The following DCHS2 variants were observed in gnomAD, a reference collection of about 807,000 sequenced individuals.
The protein encoded by DCHS2 is dachsous cadherin-related 2.
DCHS2 carries 142 observed loss-of-function variants against 182.4 expected under a neutral mutation model. The ratio of observed to expected loss-of-function variants is 0.78; its 90% confidence interval spans 0.68 to 0.89. DCHS2 has a LOEUF of 0.89. DCHS2 is among the 40% of genes least tolerant of loss of function. The pLI is 0.00. For synonymous variants in DCHS2, 1,740 were observed against 1,663.3 expected, an observed-to-expected ratio of 1.05 and a Z score of -1.12; for missense variants, 4,319 against 4,198.6, an observed-to-expected ratio of 1.03 and a Z score of -0.79.
intron 3 of DCHS2, among the ~76,000 whole-genome samples, chr4:154,359,828 C>A (rs571143124): frequency 1.1e-4 from 16 of 152,138 alleles, no homozygotes; most frequent in African/African-American, 3.4e-4. Flanking sequence ...CTGAGTTCTA[C>A]TTACTCAATT....
At chr4:154,305,044 T>A in intron 11 of DCHS2, 53 bp downstream of exon 11, 1 of 1,514,630 alleles carries the variant, frequency 6.6e-7, no homozygotes, top group Non-Finnish European at 8.8e-7. Context: ...ACAGGTTTTT[T>A]TTAAATTTAA....
rs201704433 is a variant in DCHS2, at chr4:154,391,036, TTTC to T, written c.2053-13595_2053-13593del. On this transcript the variant is annotated intron_variant, in intron 1 of 19. Transcript: ENST00000357232. ...TTCATGAGAGGATCCTAGCTAAGTA[TTTC>T]TTCCAAGGCTTTATTTCCCTGAAGC... is the stretch of plus-strand genomic sequence containing the variant. 2,588 of 764,576 alleles carry T rather than the reference TTTC, an allele frequency of 3.4e-3. 9 individuals are homozygous for T. Among genetic ancestry groups the T allele is most frequent in the Middle Eastern group, 0.011 (28 of 2,608 alleles). 47.4% of individuals were successfully genotyped at this position (764,576 alleles called of 1,614,324 possible). A position where few individuals can be genotyped will look rare whatever the true frequency, so the allele number is the denominator to read the frequency against.
At chr4:154,447,245 T>C (rs373037574) in intron 1 of DCHS2, among the ~76,000 whole-genome samples, 6 of 152,262 alleles carry the variant, frequency 3.9e-5, no homozygotes, top group East Asian at 1.9e-4. Flanking sequence ...TGAGCTGAGA[T>C]TGTGCCACTG....
chr4:154,466,883 C>T (rs1034482645), intron 1 of DCHS2, among the ~76,000 whole-genome samples: 27 of 152,104 alleles, frequency 1.8e-4, no homozygotes, highest in African/African-American at 6.5e-4. Flanking sequence ...ACTCTAATTC[C>T]TTTTCTATTT....
Position 154,297,977 on chromosome 4 carries a change from T to C in DCHS2, c.6337A>G (p.Thr2113Ala), listed in dbSNP as rs761339043. 1 of 1,614,130 alleles carries C rather than the reference T, an allele frequency of 6.2e-7. No individual in the cohort carries two copies. Among genetic ancestry groups the C allele is most frequent in the Non-Finnish European group, 8.5e-7 (1 of 1,180,004 alleles). Residue 2113 changes from threonine (T) to alanine (A), a missense_variant, in exon 13 of 20, where the codon ACA becomes GCA. Thr to Ala is a moderately conservative substitution (Grantham distance 58). Coordinates refer to ENST00000357232, the MANE Select transcript of DCHS2 (RefSeq NM_001358235.2). ...YFPIWLQLKV[T>A]DQGIPARTTT... ...GTCCTGGCTGGAATGCCCTGGTCTG[T>C]AACTTTTAACTGCAGCCAGATAGGG...
intron 14 of DCHS2, among the ~76,000 whole-genome samples, chr4:154,267,107 T>C (rs1297632457): frequency 6.6e-6 from 1 of 152,218 alleles, no homozygotes; most frequent in Non-Finnish European, 1.5e-5. Flanking sequence ...CTGGTTTTAA[T>C]TCATGCATGG....
chr4:154,382,676 G>A (rs964511049), intron 1 of DCHS2, among the ~76,000 whole-genome samples: 2 of 152,082 alleles, frequency 1.3e-5, no homozygotes, highest in African/African-American at 4.8e-5. Flanking sequence ...CCATTAAAAA[G>A]TGGGCAAAAG....
intron 1 of DCHS2, among the ~76,000 whole-genome samples, chr4:154,459,723 G>A: frequency 7.0e-6 from 1 of 143,170 alleles, no homozygotes; most frequent in South Asian, 2.2e-4. Flanking sequence ...GTCTCCAGCA[G>A]TATCTACACA....
intron 13 of DCHS2, among the ~76,000 whole-genome samples, chr4:154,292,464 A>G (rs1433164061): frequency 6.6e-6 from 1 of 152,202 alleles, no homozygotes; most frequent in African/African-American, 2.4e-5. Flanking sequence ...GCTATGAAGA[A>G]TTCCTATAAG....
At chr4:154,436,499 C>T (rs969344398) in intron 1 of DCHS2, among the ~76,000 whole-genome samples, 2 of 152,112 alleles carry the variant, frequency 1.3e-5, no homozygotes, top group Admixed American at 1.3e-4. Flanking sequence ...CCTCGTGATA[C>T]TCTCAATATC....
chr4:154,268,905 C>T (rs779116403), intron 14 of DCHS2, among the ~76,000 whole-genome samples: 6 of 152,206 alleles, frequency 3.9e-5, no homozygotes, highest in Middle Eastern at 3.4e-3. Context: ...AGTGCGGTGG[C>T]GGAGGGTCTG....
intron 1 of DCHS2, among the ~76,000 whole-genome samples, chr4:154,397,930 G>A (rs1732001766): frequency 6.6e-6 from 1 of 152,152 alleles, no homozygotes; most frequent in South Asian, 2.1e-4. Context: ...GTGTTGGGTA[G>A]AGTAAACCTA....
At position 154,489,754 on chromosome 4, in the gene DCHS2, G is replaced by A; in HGVS notation, c.1602C>T (p.Asp534=). Residue 534 remains aspartate (D), a synonymous_variant, in exon 1 of 20, where the codon GAC becomes GAT. Transcript: ENST00000357232. ...GCTGTTGGCTGAAGAGAGGTGGTTGGTCATTGAGGTCAGCGACCCGGAGTA... is the reference window on the plus strand; with the variant it reads ...GCTGTTGGCTGAAGAGAGGTGGTTGATCATTGAGGTCAGCGACCCGGAGTA... The part of the protein sequence containing the change: ...TLLLRVADLN[D]QPPLFSQQHY... 6.4e-7 allele frequency: 1 copy of A among 1,551,644 alleles called. No homozygotes were observed. The highest frequency in any genetic ancestry group is 8.7e-7 in the Non-Finnish European group (1 of 1,146,960).
chr4:154,235,595 A>G lies in DCHS2; in HGVS notation c.9057T>C (p.His3019=). The G allele has an allele frequency of 1.2e-6, 2 of 1,613,892 alleles. No individual in the cohort carries two copies. Among genetic ancestry groups the G allele is most frequent in the Non-Finnish European group, 1.7e-6 (2 of 1,179,924 alleles). The part of the protein sequence containing the change: ...ICILIVMILR[H]KQKDTINNYE... Reference sequence around the variant, plus strand: ...AATTGTTTATTGTGTCTTTTTGTTTATGTCTTAAAATCATTACAATTAGAA... The same window carrying G: ...AATTGTTTATTGTGTCTTTTTGTTTGTGTCTTAAAATCATTACAATTAGAA... The change falls in exon 20 of 20, where the codon CAT becomes CAC. Residue 3019 remains histidine, a synonymous_variant. Coordinates refer to ENST00000357232, the MANE Select transcript of DCHS2 (RefSeq NM_001358235.2).
chr4:154,239,954 G>A (rs1731718763), intron 18 of DCHS2, among the ~76,000 whole-genome samples: 1 of 152,096 alleles, frequency 6.6e-6, no homozygotes, highest in Non-Finnish European at 1.5e-5. Context: ...ATTCAAGCAA[G>A]CCTTCACAGG....
intron 1 of DCHS2, among the ~76,000 whole-genome samples, chr4:154,453,752 G>T (rs1166020631): frequency 1.3e-5 from 2 of 152,048 alleles, no homozygotes; most frequent in African/African-American, 2.4e-5. Context: ...TTGTCCCTGT[G>T]TCCTTCACAA....
intron 1 of DCHS2, among the ~76,000 whole-genome samples, chr4:154,456,066 G>T (rs904083752): frequency 1.3e-5 from 2 of 151,848 alleles, no homozygotes; most frequent in Admixed American, 6.6e-5. Flanking sequence ...CTCCAGCCTG[G>T]GCAACAGAGC....
chr4:154,428,923 G>A (rs548952104), intron 1 of DCHS2, among the ~76,000 whole-genome samples: 1 of 151,594 alleles, frequency 6.6e-6, no homozygotes, highest in East Asian at 1.9e-4. Context: ...GAAAAAAAAG[G>A]AAAGTGGGTA....
chr4:154,443,088 C>T (rs561192464), intron 1 of DCHS2, among the ~76,000 whole-genome samples: 2 of 152,180 alleles, frequency 1.3e-5, no homozygotes, highest in East Asian at 1.9e-4. Flanking sequence ...CAACAACCAC[C>T]ACCGCCTCAT....
Sources: allele counts gnomAD v4.1 joint callset (sites outside exome capture counted in the v4.1 genomes callset), GRCh38; gene constraint gnomAD v4.1.1; transcripts MANE v1.5; gene names NCBI Gene and HGNC (gene_info 2026-07-23, HGNC 2026-07-21).